ATM: variants seen among roughly 807,000 people sequenced by gnomAD.
ATM encodes ATM serine/threonine kinase.
A neutral mutation model predicts 387.0 loss-of-function variants in ATM; 308 were observed. The ratio of observed to expected loss-of-function variants is 0.80; its 90% CI spans 0.73 to 0.87. The LOEUF is 0.87. Among genes scored for constraint, ATM ranks in the 40% least tolerant of loss-of-function variants. The probability of loss-of-function intolerance (pLI) is 0.00; values close to 1 mark genes in which losing one functional copy is unlikely to be tolerated. For synonymous variants in ATM, 1,156 were observed against 1,187.3 expected (o/e 0.97, Z 0.54); for missense variants, 3,312 against 3,560.9 (o/e 0.93, Z 1.78).
At chr11:108,315,986 C>T (rs2084605279) in intron 41 of ATM, 25 bp from the exon 42 acceptor site, 3 of 1,611,660 alleles carry the variant, frequency 1.9e-6, no homozygotes, top group South Asian at 2.2e-5. Flanking sequence ...AAACCCAAAG[C>T]TATTTTCACA....
At chr11:108,233,867 GA>G (rs11292062) in intron 4 of ATM, among the ~76,000 whole-genome samples, 42,741 of 151,482 alleles carry the variant, frequency 0.28, 7,210 homozygotes, top group Middle Eastern at 0.54. Context: ...GCAAAACTAT[GA>G]AAAAAAAGTC....
intron 16 of ATM, 139 bp from the exon 17 acceptor site, chr11:108,267,032 G>A: frequency 1.3e-6 from 1 of 799,716 alleles, no homozygotes; most frequent in Non-Finnish European, 2.1e-6. Flanking sequence ...CCGACCTCAG[G>A]TGATCCACCT....
chr11:108,321,524 T>G, intron 45 of ATM, 104 bp downstream of exon 45: 1 of 1,531,538 alleles, frequency 6.5e-7, no homozygotes, highest in East Asian at 2.3e-5. Flanking sequence ...GGCTCATGCC[T>G]GTAATCCTAG....
intron 61 of ATM, among the ~76,000 whole-genome samples, chr11:108,361,562 A>G (rs1229211635): frequency 6.6e-6 from 1 of 152,114 alleles, no homozygotes; most frequent in African/African-American, 2.4e-5. Flanking sequence ...ACAAGGCTAC[A>G]GTAACCAAAA....
chr11:108,304,910 T>G, intron 37 of ATM, 58 bp downstream of exon 37: 1 of 1,570,772 alleles, frequency 6.4e-7, no homozygotes. Flanking sequence ...GAAAGATGGA[T>G]TTAAGATGGA....
intron 16 of ATM, 27 bp downstream of exon 16, chr11:108,259,102 A>G (rs1309573602): frequency 6.3e-7 from 1 of 1,577,262 alleles, no homozygotes; most frequent in Non-Finnish European, 8.7e-7. Context: ...TTTTGCTATC[A>G]TATTTTGATT....
chr11:108,256,082 G>C (rs2080459968), intron 13 of ATM, 133 bp from the exon 14 acceptor site: 1 of 764,508 alleles, frequency 1.3e-6, no homozygotes, highest in Admixed American at 3.2e-5. Context: ...GAGCTATCCA[G>C]GATATGCCAC....
intron 37 of ATM, among the ~76,000 whole-genome samples, chr11:108,305,301 C>A (rs754859187): frequency 6.6e-6 from 1 of 152,158 alleles, no homozygotes; most frequent in Non-Finnish European, 1.5e-5. Flanking sequence ...AGCCTTTGGC[C>A]GGGCACAGTG....
At chr11:108,231,760 G>A (rs1278677705) in intron 4 of ATM, among the ~76,000 whole-genome samples, 7 of 148,486 alleles carry the variant, frequency 4.7e-5, no homozygotes, top group African/African-American at 1.5e-4. Context: ...TTTAGTAGAA[G>A]TATGCAGATT....
intron 5 of ATM, among the ~76,000 whole-genome samples, chr11:108,241,633 G>A (rs1369568181): frequency 6.6e-6 from 1 of 151,338 alleles, no homozygotes; most frequent in Non-Finnish European, 1.5e-5. Flanking sequence ...GACTGTGGTT[G>A]GAATCATAAC....
At chr11:108,271,659 A>G (rs573230023) in intron 20 of ATM, among the ~76,000 whole-genome samples, 12 of 152,380 alleles carry the variant, frequency 7.9e-5, no homozygotes, top group Non-Finnish European at 1.2e-4. Flanking sequence ...TTTGACATGT[A>G]TAGTGAATAA....
intron 16 of ATM, among the ~76,000 whole-genome samples, chr11:108,262,560 A>G (rs1302123274): frequency 1.3e-5 from 2 of 152,264 alleles, no homozygotes; most frequent in Admixed American, 6.5e-5. Context: ...TGAGACTAGG[A>G]AGAAACTGCA....
chr11:108,333,731 A>G (rs943968469), intron 53 of ATM, among the ~76,000 whole-genome samples, 155 bp from the exon 54 acceptor site: 10 of 152,234 alleles, frequency 6.6e-5, no homozygotes, highest in African/African-American at 2.4e-4. Context: ...TCTGAGCTGC[A>G]TAGTGGCCAA....
At position 108,332,793 on chromosome 11, in the gene ATM, G is replaced by A. The variant is rs2136563154; in HGVS notation, c.7820G>A (p.Cys2607Tyr). The A allele has an allele frequency of 6.2e-7, 1 of 1,613,240 alleles. No individual in the cohort carries two copies. The highest frequency in any genetic ancestry group is 1.1e-5 in the South Asian group (1 of 91,066). ...ACAGAGGCTGCAAATAGAATAATAT[G>A]TACTATCAGAAGTAGGAGACCTCAG... ...DRTEAANRII[C>Y]TIRSRRPQMV... The change falls in exon 53 of 63, where the codon TGT becomes TAT. Residue 2607 changes from cysteine (C) to tyrosine (Y), a missense_variant. Transcript: ENST00000675843.
At chr11:108,236,021 C>T (rs2079259840) in intron 5 of ATM, 187 bp downstream of exon 5, 5 of 635,982 alleles carry the variant, frequency 7.9e-6, no homozygotes, top group Middle Eastern at 4.2e-4. Flanking sequence ...TGAATAAAGT[C>T]ATGAATAATA....
In ATM at chr11:108,345,746, G is replaced by A. The variant is rs876660616; in HGVS notation, c.8422G>A (p.Val2808Met). ...AFQCQKKMME[V>M]QKKSFEEKYE... is the part of the protein sequence containing the mutation. Reference sequence around the variant, plus strand: ...TATATATATTCTCTATTTAAAGGAGGTGCAAAAAAAGTCTTTTGAAGAGAA... The same window carrying A: ...TATATATATTCTCTATTTAAAGGAGATGCAAAAAAAGTCTTTTGAAGAGAA... Residue 2808 changes from valine (V) to methionine (M), a missense_variant, in exon 58 of 63, where the codon GTG becomes ATG. Val to Met is a conservative substitution (Grantham distance 21). Coordinates refer to ENST00000675843, the MANE Select transcript of ATM (RefSeq NM_000051.4). 6.2e-7 allele frequency: 1 copy of A among 1,606,728 alleles called. No individual in the cohort carries two copies. Among genetic ancestry groups the A allele is most frequent in the Non-Finnish European group, 8.5e-7 (1 of 1,174,554 alleles).
At chr11:108,299,433 G>A (rs1028691368) in intron 33 of ATM, 2 of 346,560 alleles carry the variant, frequency 5.8e-6, no homozygotes, top group Non-Finnish European at 1.1e-5. Context: ...GAGTAGCTGG[G>A]ATTACGGGCC....
intron 59 of ATM, among the ~76,000 whole-genome samples, chr11:108,351,819 C>T (rs2137223308): frequency 6.6e-6 from 1 of 152,316 alleles, no homozygotes; most frequent in South Asian, 2.1e-4. Context: ...TATGTTAGGC[C>T]TTTGCAATGT....
chr11:108,265,899 G>C (rs2081205930), intron 16 of ATM, among the ~76,000 whole-genome samples: 2 of 142,866 alleles, frequency 1.4e-5, no homozygotes, highest in African/African-American at 2.6e-5. Context: ...ATCATCACTG[G>C]CCATCAGAGA....
Sources: gnomAD v4.1 joint callset for allele counts (sites outside exome capture counted in the v4.1 genomes callset) on GRCh38, gnomAD v4.1.1 for gene constraint, MANE v1.5 for transcripts, NCBI Gene and HGNC (gene_info 2026-07-23, HGNC 2026-07-21) for gene names.